ADGRB3: variants seen among roughly 807,000 people sequenced by gnomAD.
ADGRB3 encodes brain-specific angiogenesis inhibitor 3.
ADGRB3 carries 37 observed loss-of-function variants against 193.4 expected under a neutral mutation model. The ratio of observed to expected loss-of-function variants is 0.19; its 90% confidence interval spans 0.15 to 0.25. The LOEUF (loss-of-function observed/expected upper bound fraction) is 0.25. Among genes scored for constraint, ADGRB3 ranks in the 10% least tolerant of loss-of-function variants. The pLI, the probability that ADGRB3 is intolerant of heterozygous loss-of-function variation, is 1.00. For synonymous variants in ADGRB3, 690 were observed against 644.2 expected (o/e 1.07, Z -1.08); for missense variants, 1,637 against 1,852.9 (o/e 0.88, Z 2.14).
At chr6:68,727,670 C>A (rs1429560854) in intron 3 of ADGRB3, among the ~76,000 whole-genome samples, 1 of 151,432 alleles carries the variant, frequency 6.6e-6, no homozygotes, top group Non-Finnish European at 1.5e-5. Context: ...TTCACTGAGT[C>A]TTTCTCAATT....
intron 3 of ADGRB3, among the ~76,000 whole-genome samples, chr6:68,698,890 C>A (rs922992995): frequency 1.3e-5 from 2 of 151,974 alleles, no homozygotes; most frequent in African/African-American, 4.8e-5. Flanking sequence ...GATTGAAAAT[C>A]TCTAATAGGT....
chr6:69,065,762 T>G (rs2343398), intron 16 of ADGRB3, among the ~76,000 whole-genome samples: 1 of 124,690 alleles, frequency 8.0e-6, no homozygotes, highest in South Asian at 2.6e-4. Flanking sequence ...CATGTATATA[T>G]ATACACACAC....
chr6:68,818,369 A>AAC (rs1355115821), intron 3 of ADGRB3, among the ~76,000 whole-genome samples: 1 of 152,038 alleles, frequency 6.6e-6, no homozygotes, highest in Admixed American at 6.6e-5. Context: ...AGCATTTAGC[A>AAC]CTATGCCTGG....
chr6:68,907,195 A>T (rs180795336), intron 3 of ADGRB3, among the ~76,000 whole-genome samples: 2 of 151,924 alleles, frequency 1.3e-5, no homozygotes, highest in South Asian at 2.1e-4. Context: ...TTTTTACTAA[A>T]TTTTTAGAAA....
At chr6:69,367,031 G>T (rs1463503333) in intron 29 of ADGRB3, among the ~76,000 whole-genome samples, 1 of 152,104 alleles carries the variant, frequency 6.6e-6, no homozygotes, top group Non-Finnish European at 1.5e-5. Flanking sequence ...GAAAGGGAGA[G>T]ATTTCTCTAG....
chr6:69,114,107 A>G (rs1773453826), intron 17 of ADGRB3, among the ~76,000 whole-genome samples: 1 of 152,182 alleles, frequency 6.6e-6, no homozygotes, highest in Admixed American at 6.5e-5. Context: ...TGTTTAAGCC[A>G]CTACTCACTG....
At chr6:69,263,702 G>T (rs1766975928) in intron 20 of ADGRB3, among the ~76,000 whole-genome samples, 1 of 151,976 alleles carries the variant, frequency 6.6e-6, no homozygotes, top group African/African-American at 2.4e-5. Flanking sequence ...GGCTTCATGG[G>T]GAAGTAAAAT....
chr6:68,738,409 T>C (rs1198193290), intron 3 of ADGRB3, among the ~76,000 whole-genome samples: 2 of 152,018 alleles, frequency 1.3e-5, no homozygotes, highest in Admixed American at 6.6e-5. Flanking sequence ...GCCCATAGAC[T>C]GAGAACAGCT....
At chr6:69,176,340 T>C (rs1043912221) in intron 17 of ADGRB3, among the ~76,000 whole-genome samples, 4 of 152,156 alleles carry the variant, frequency 2.6e-5, no homozygotes, top group Non-Finnish European at 4.4e-5. Context: ...AGAGCTTTGA[T>C]CATAAAGGGA....
At chr6:68,734,117 T>A (rs1765828924) in intron 3 of ADGRB3, among the ~76,000 whole-genome samples, 1 of 151,886 alleles carries the variant, frequency 6.6e-6, no homozygotes, top group Non-Finnish European at 1.5e-5. Flanking sequence ...TATGGAAAAA[T>A]TTGGTATCAT....
At chr6:68,875,675 T>C (rs1020808182) in intron 3 of ADGRB3, among the ~76,000 whole-genome samples, 3 of 152,070 alleles carry the variant, frequency 2.0e-5, no homozygotes, top group Admixed American at 6.6e-5. Context: ...GCCTTGTAGA[T>C]CCCAAAGTAT....
intron 17 of ADGRB3, among the ~76,000 whole-genome samples, chr6:69,125,803 G>T (rs1184193940): frequency 6.6e-6 from 1 of 152,082 alleles, no homozygotes; most frequent in Non-Finnish European, 1.5e-5. Flanking sequence ...AAACAACATT[G>T]CTTACCTCCC....
At chr6:68,963,791 C>A (rs1392330580) in intron 8 of ADGRB3, among the ~76,000 whole-genome samples, 1 of 152,052 alleles carries the variant, frequency 6.6e-6, no homozygotes, top group African/African-American at 2.4e-5. Flanking sequence ...CATAAGTGTT[C>A]TTTCTTCTTT....
chr6:68,826,955 T>C (rs1487619746), intron 3 of ADGRB3, among the ~76,000 whole-genome samples: 1 of 152,096 alleles, frequency 6.6e-6, no homozygotes, highest in African/African-American at 2.4e-5. Flanking sequence ...AACATCCTAG[T>C]GTAGGTTTCA....
intron 8 of ADGRB3, among the ~76,000 whole-genome samples, chr6:68,959,562 T>C (rs1768175897): frequency 6.6e-6 from 1 of 152,108 alleles, no homozygotes; most frequent in Non-Finnish European, 1.5e-5. Flanking sequence ...TTTGAATAAT[T>C]AATGAAAATA....
At chr6:69,219,749 C>T (rs1765853664) in intron 17 of ADGRB3, among the ~76,000 whole-genome samples, 2 of 151,656 alleles carry the variant, frequency 1.3e-5, no homozygotes, top group Admixed American at 1.3e-4. Context: ...ATTATTAATG[C>T]TCACATCTTA....
intron 4 of ADGRB3, among the ~76,000 whole-genome samples, chr6:68,935,277 T>C (rs1767456394): frequency 6.6e-6 from 1 of 152,212 alleles, no homozygotes. Flanking sequence ...TGAGAAAATC[T>C]GTGTGTTGAA....
chr6:68,865,092 T>C (rs1226174186), intron 3 of ADGRB3, among the ~76,000 whole-genome samples: 4 of 152,292 alleles, frequency 2.6e-5, no homozygotes, highest in Admixed American at 6.5e-5. Flanking sequence ...TAGCTTCCTC[T>C]TGTCCAGACA....
intron 20 of ADGRB3, among the ~76,000 whole-genome samples, chr6:69,313,306 C>A (rs1426886456): frequency 2.0e-5 from 3 of 151,848 alleles, no homozygotes; most frequent in Admixed American, 2.0e-4. Context: ...TAGCTTGACT[C>A]AAAAACCTAT....
Sources: allele counts gnomAD v4.1 joint callset (sites outside exome capture counted in the v4.1 genomes callset), GRCh38; gene constraint gnomAD v4.1.1; transcripts MANE v1.5; gene names NCBI Gene and HGNC (gene_info 2026-07-23, HGNC 2026-07-21).